The following NCOR2 variants were observed in gnomAD, a reference collection of about 807,000 sequenced individuals.
NCOR2 encodes the protein nuclear receptor corepressor 2.
A neutral mutation model predicts 262.9 loss-of-function variants in NCOR2; 81 were observed. The ratio of observed to expected loss-of-function variants is 0.31; its 90% CI spans 0.26 to 0.37. The LOEUF (loss-of-function observed/expected upper bound fraction) is 0.37, where lower values mean the gene tolerates loss of function less well. NCOR2 is among the 10% of genes least tolerant of loss of function. The pLI, the probability that NCOR2 is intolerant of heterozygous loss-of-function variation, is 1.00. For missense variants in NCOR2, 3,385 were observed against 3,621.4 expected (o/e 0.93, Z 1.68); for synonymous variants, 1,659 against 1,559.3 (o/e 1.06, Z -1.51).
intron 9 of NCOR2, among the ~76,000 whole-genome samples, 195 bp downstream of exon 11, chr12:124,430,420 G>A (rs1006675066): frequency 1.3e-5 from 2 of 152,228 alleles, no homozygotes; most frequent in African/African-American, 2.4e-5. Flanking sequence ...TCCCCAAAAT[G>A]TATTTAAGTT....
In NCOR2 at chr12:124,386,730, G is replaced by A. The variant is rs924533661; in HGVS notation, c.1877-843C>T. 1.4e-4 allele frequency among the ~76,000 whole-genome samples: 22 copies of A among 152,208 alleles called. No homozygotes were observed. The East Asian group carries it at 1.9e-3, about 13-fold the overall frequency. ...TTTCAAGGCCACAAACACCAGGCTC[G>A]GCAGAAACACAGCCCCTGCTGCACC... On this transcript the variant is annotated intron_variant, in intron 16 of 46. Transcript: ENST00000405201.
At chr12:124,336,444 T>A in intron 38 of NCOR2, 2 of 322,640 alleles carry the variant, frequency 6.2e-6, no homozygotes, top group Non-Finnish European at 1.0e-5. Flanking sequence ...GATGTGCAAA[T>A]GATGAGCGCC....
At chr12:124,435,118 A>G (rs527558616) in intron 8 of NCOR2, among the ~76,000 whole-genome samples, 24 of 152,194 alleles carry the variant, frequency 1.6e-4, no homozygotes, top group African/African-American at 5.5e-4. Context: ...TGCACTTGCT[A>G]TGCCCTCTGC....
At chr12:124,354,903 GCTCTGAGTA>G in exon 25 of NCOR2, 1 of 1,612,336 alleles carries the variant, frequency 6.2e-7, no homozygotes, top group Non-Finnish European at 8.5e-7. Context: ...GCCTTGGCAT[GCTCTGAGTA>G]CGGGACGTGG....
intron 13 of NCOR2, among the ~76,000 whole-genome samples, chr12:124,405,823 G>A (rs563409982): frequency 2.0e-5 from 3 of 152,196 alleles, no homozygotes; most frequent in Non-Finnish European, 4.4e-5. Context: ...TGCAGCAGCC[G>A]ACACTGGCGA....
chr12:124,473,967 A>T (rs2046960579), intron 3 of NCOR2, among the ~76,000 whole-genome samples: 1 of 152,194 alleles, frequency 6.6e-6, no homozygotes, highest in Non-Finnish European at 1.5e-5. Context: ...AGTCCCTTAC[A>T]GCCTTCAAGA....
upstream of NCOR2, chr12:124,567,609 T>TGGCGGCGGCGGCGGCGGCGGCGGC (rs574345580): frequency 2.8e-5 from 4 of 143,906 alleles, no homozygotes; most frequent in African/African-American, 1.0e-4. Context: ...GCGGCGGCGG[T>TGGCGGCGGCGGCGGCGGCGGCGGC]GGCGGCGGCG....
intron 1 of NCOR2, among the ~76,000 whole-genome samples, chr12:124,515,519 C>A: frequency 6.6e-6 from 1 of 152,148 alleles, no homozygotes; most frequent in Admixed American, 6.5e-5. Flanking sequence ...ATGGATATAG[C>A]CAGCCGTATG....
At chr12:124,430,543 C>T in intron 9 of NCOR2, 72 bp downstream of exon 11, 1 of 1,520,254 alleles carries the variant, frequency 6.6e-7, no homozygotes, top group South Asian at 1.3e-5. Context: ...CTGGCCAGGC[C>T]ATCTCTACTG....
At position 124,457,063 on chromosome 12, in the gene NCOR2, C is replaced by A; in HGVS notation, c.762+43G>T. The A allele has an allele frequency of 8.4e-7, 1 of 1,183,514 alleles. No homozygotes were observed. Among genetic ancestry groups the A allele is most frequent in the South Asian group, 1.5e-5 (1 of 67,112 alleles). The allele number at this position is 1,183,514 out of a possible 1,614,324, so 73.3% of individuals were successfully genotyped here. A position where few individuals can be genotyped will look rare whatever the true frequency, so the allele number is the denominator to read the frequency against. On this transcript the variant is annotated intron_variant, in intron 6 of 46. Transcript: ENST00000405201. The surrounding 1 kb of genome is among the most constrained non-coding windows in gnomAD (Gnocchi z 4.0). ...GCCTCCCTGCCCACCTCTCCAGCCA[C>A]CCCCGCCCTCCCCTGAGCCCCTGAC...
chr12:124,335,668 G>C, intron 38 of NCOR2, 36 bp from the exon 41 acceptor site: 1 of 1,568,146 alleles, frequency 6.4e-7, no homozygotes, highest in Admixed American at 1.7e-5. Context: ...CAGGCACCGG[G>C]CCCAGGGTTT....
chr12:124,515,921 C>G (rs2049736747), intron 1 of NCOR2, among the ~76,000 whole-genome samples: 1 of 152,220 alleles, frequency 6.6e-6, no homozygotes, highest in African/African-American at 2.4e-5. Context: ...CTGAACCTCA[C>G]CCAGGACTCT....
chr12:124,397,053 C>T (rs761655062), intron 16 of NCOR2, among the ~76,000 whole-genome samples: 1 of 152,184 alleles, frequency 6.6e-6, no homozygotes, highest in Non-Finnish European at 1.5e-5. Flanking sequence ...CTCCGGAACC[C>T]GTGGCACTCC....
chr12:124,412,300 G>A (rs1007471854), intron 13 of NCOR2, among the ~76,000 whole-genome samples: 13 of 152,252 alleles, frequency 8.5e-5, no homozygotes, highest in Admixed American at 5.2e-4. Flanking sequence ...GTGACAGGGC[G>A]GAGAAGGGCC....
Position 124,504,575 on chromosome 12 carries a change from A to G in NCOR2, c.-117-9207T>C, listed in dbSNP as rs914590995. Among the ~76,000 whole-genome samples, 1 of 152,192 alleles carries G rather than the reference A, an allele frequency of 6.6e-6. No individual in the cohort carries two copies. The highest frequency in any genetic ancestry group is 1.5e-5 in the Non-Finnish European group (1 of 68,038). ...GGAAAACTGGTGACAAAACAAACAG[A>G]AAGGATTAGAATGCCCACAGCAGCA... On this transcript the variant is annotated intron_variant, in intron 1 of 46. Transcript: ENST00000404621. This position sits in a 1 kb window ranked among gnomAD's most constrained non-coding sequence, Gnocchi z 4.5.
chr12:124,341,805 G>T lies in NCOR2; in HGVS notation c.5188+18C>A, dbSNP rs777854839. ...AATAAGGCCAAACCCAGCGGAGGTG[G>T]TCTGCCCACCCACTCACCTCGGGGA... On this transcript the variant is annotated intron_variant, in intron 34 of 46. Coordinates refer to ENST00000405201, the Ensembl canonical transcript of NCOR2. The T allele has an allele frequency of 1.4e-5, 23 of 1,586,568 alleles. No individual in the cohort carries two copies. The highest frequency in any genetic ancestry group is 1.0e-5 in the Non-Finnish European group (12 of 1,169,074).
chr12:124,426,483 CA>C, intron 11 of NCOR2, 138 bp downstream of exon 13: 1 of 825,098 alleles, frequency 1.2e-6, no homozygotes, highest in Non-Finnish European at 1.7e-6. Context: ...CCGGCCTCCA[CA>C]ACCAGGAGAG....
chr12:124,412,945 C>T (rs558334189), intron 13 of NCOR2, among the ~76,000 whole-genome samples: 1 of 152,242 alleles, frequency 6.6e-6, no homozygotes, highest in South Asian at 2.1e-4. Context: ...GAGGGCACAG[C>T]CCCAGGATGC....
At chr12:124,430,545 T>C (rs1244096) in intron 9 of NCOR2, 70 bp downstream of exon 11, 1,399,795 of 1,530,052 alleles carry the variant, frequency 0.91, 640,901 homozygotes, top group East Asian at 1. Context: ...GGCCAGGCCA[T>C]CTCTACTGAG....
Sources: gnomAD v4.1 joint callset for allele counts (sites outside exome capture counted in the v4.1 genomes callset) on GRCh38, gnomAD v4.1.1 for gene constraint, Gnocchi (gnomAD v3.1) non-coding constraint, MANE v1.5 for transcripts, NCBI Gene and HGNC (gene_info 2026-07-23, HGNC 2026-07-21) for gene names.